Variants in GALNT9 observed in about 807,000 individuals in gnomAD.
GALNT9 encodes the protein GalNAc transferase 9.
Under a neutral mutation model 63.1 loss-of-function variants are expected in GALNT9, and 47 were observed. That is an observed-to-expected ratio of 0.75 (90% confidence interval 0.59 to 0.95). The LOEUF (loss-of-function observed/expected upper bound fraction) is 0.95. Ranked by LOEUF, GALNT9 falls within the 40% of genes least tolerant of loss-of-function variation. GALNT9 has a pLI of 0.00. For missense variants in GALNT9, 829 were observed against 874.8 expected, an observed-to-expected ratio of 0.95 and a Z score of 0.66; for synonymous variants, 396 against 365.7, an observed-to-expected ratio of 1.08 and a Z score of -0.94.
chr12:132,246,874 G>A lies in GALNT9; in HGVS notation c.1077+1036C>T, dbSNP rs1878722563. 6.6e-6 allele frequency among the ~76,000 whole-genome samples: 1 copy of A among 152,156 alleles called. No individual in the cohort carries two copies. Among genetic ancestry groups the A allele is most frequent in the Non-Finnish European group, 1.5e-5 (1 of 68,036 alleles). On this transcript the variant is annotated intron_variant, in intron 6 of 10. Transcript: ENST00000328957. The surrounding 1 kb of genome is among the most constrained non-coding windows in gnomAD (Gnocchi z 4.7). The stretch of plus-strand genomic sequence containing the variant: ...TGCCCAACCTGAGTTAAACAATCGC[G>A]GCCACGGGGAAGGAGGCCGTTTTAT...
Position 132,274,005 on chromosome 12 carries a change from C to T in GALNT9, c.420-11380G>A, listed in dbSNP as rs140150071. ...CTCGCTCCTGCTCCCACCAGCCCATCGCAGGTCAGAGAAAAGCCAGACGCC... is the reference window on the plus strand; with the variant it reads ...CTCGCTCCTGCTCCCACCAGCCCATTGCAGGTCAGAGAAAAGCCAGACGCC... On this transcript the variant is annotated intron_variant, in intron 2 of 10. Coordinates refer to ENST00000328957, the MANE Select transcript of GALNT9 (RefSeq NM_001122636.2). 4.7e-3 allele frequency: 718 copies of T among 152,824 alleles called. 2 individuals carry two copies. The highest frequency in any genetic ancestry group is 7.9e-3 in the Non-Finnish European group (540 of 68,404). The allele number at this position is 152,824 out of a possible 1,614,324, so 9.5% of individuals were successfully genotyped here.
chr12:132,217,999 ATTT>A (rs1565990571), intron 6 of GALNT9, among the ~76,000 whole-genome samples: 1 of 140,024 alleles, frequency 7.1e-6, no homozygotes, highest in Non-Finnish European at 1.5e-5. Context: ...CTACCCACTC[ATTT>A]GCCCACCTAG....
intron 6 of GALNT9, chr12:132,206,002 G>A (rs115277004): frequency 0.035 from 5,370 of 152,554 alleles, 257 homozygotes; most frequent in African/African-American, 0.11. Context: ...GTCCTCCATC[G>A]TCTGCCCACC....
chr12:132,258,026 C>A, intron 4 of GALNT9, 140 bp from the exon 5 acceptor site: 1 of 643,706 alleles, frequency 1.6e-6, no homozygotes, highest in Non-Finnish European at 2.7e-6. Context: ...GCTAGACCCA[C>A]ATCCTCCCTT....
chr12:132,277,009 A>G (rs1265294282), intron 2 of GALNT9, among the ~76,000 whole-genome samples: 14 of 152,116 alleles, frequency 9.2e-5, no homozygotes, highest in Non-Finnish European at 4.4e-5. Context: ...ACGCAGATAC[A>G]TGCGCATGTA....
intron 1 of GALNT9, among the ~76,000 whole-genome samples, chr12:132,328,724 G>A (rs533835749): frequency 3.3e-5 from 5 of 152,258 alleles, no homozygotes; most frequent in Non-Finnish European, 4.4e-5. Context: ...TTGCGTCATT[G>A]TGGGGGCAGG....
chr12:132,305,202 T>C (rs200814175), intron 1 of GALNT9, among the ~76,000 whole-genome samples: 56 of 7,130 alleles, frequency 7.9e-3, no homozygotes, highest in Admixed American at 9.1e-3. Flanking sequence ...GACACACCCT[T>C]GCCCGGGCAC....
rs1318073463 is a variant in GALNT9, at chr12:132,327,019, C to T, written c.238+1947G>A. Among the ~76,000 whole-genome samples the T allele has an allele frequency of 2.6e-5, 4 of 152,116 alleles. No homozygotes were observed. The highest frequency in any genetic ancestry group is 5.9e-5 in the Non-Finnish European group (4 of 68,016). On this transcript the variant is annotated intron_variant, in intron 1 of 10. Coordinates refer to ENST00000328957, the MANE Select transcript of GALNT9 (RefSeq NM_001122636.2). This position sits in a 1 kb window ranked among gnomAD's most constrained non-coding sequence, Gnocchi z 4.3. ...TCTTGGGTTTAGACACTGTGCCTGG[C>T]CTGCTGGTCACAGAGAGGAACGCAG...
At chr12:132,267,748 C>T (rs1255597123) in intron 2 of GALNT9, among the ~76,000 whole-genome samples, 3 of 143,780 alleles carry the variant, frequency 2.1e-5, no homozygotes, top group Non-Finnish European at 3.0e-5. Flanking sequence ...TACACAAGCA[C>T]ACACACTCAC....
chr12:132,261,730 C>T (rs1555239796), intron 3 of GALNT9, among the ~76,000 whole-genome samples: 1 of 152,270 alleles, frequency 6.6e-6, no homozygotes, highest in Non-Finnish European at 1.5e-5. Flanking sequence ...CAGGAAGGGG[C>T]TCCCCATGTT....
intron 5 of GALNT9, among the ~76,000 whole-genome samples, chr12:132,249,409 T>C (rs565476170): frequency 6.6e-6 from 1 of 152,328 alleles, no homozygotes; most frequent in Admixed American, 6.5e-5. Context: ...CAGTCAGAAA[T>C]AAATGCCCAT....
rs1481433944 is a variant in GALNT9 at position 132,327,059 on chromosome 12, A to G, written c.238+1907T>C. Among the ~76,000 whole-genome samples the G allele has an allele frequency of 6.6e-6, 1 of 152,198 alleles. No individual in the cohort carries two copies. The highest frequency in any genetic ancestry group is 2.4e-5 in the African/African-American group (1 of 41,456). ...GAGGAACGCAGCACAGCCTCATCACAGAGGGGGACGAAACTCGGCCTCATC... is the reference window on the plus strand; with the variant it reads ...GAGGAACGCAGCACAGCCTCATCACGGAGGGGGACGAAACTCGGCCTCATC... On this transcript the variant is annotated intron_variant, in intron 1 of 10. Transcript: ENST00000328957. The surrounding 1 kb of genome is among the most constrained non-coding windows in gnomAD (Gnocchi z 4.3).
rs1879196365 is a variant in GALNT9, at chr12:132,257,817, G to A, written c.831C>T (p.Ile277=). ...RRIVLPAIDN[I]KYSTFEVQQY... ...GCTGCACCTCAAACGTGCTGTACTT[G>A]ATGTTGTCGATGGCTGGCAGCACGA... The change falls in exon 5 of 11, where the codon ATC becomes ATT. Residue 277 remains isoleucine (I), a synonymous_variant. Transcript: ENST00000328957. The A allele has an allele frequency of 6.5e-7, 1 of 1,550,310 alleles. No individual in the cohort carries two copies. The highest frequency in any genetic ancestry group is 2.4e-5 in the East Asian group (1 of 40,908).
At chr12:132,203,768 G>A (rs1715411360) in intron 6 of GALNT9, 78 bp from the exon 7 acceptor site, 4 of 1,474,540 alleles carry the variant, frequency 2.7e-6, no homozygotes, top group Non-Finnish European at 3.7e-6. Flanking sequence ...GCCCGTGAGA[G>A]GCCAAGGGGC....
chr12:132,197,259 G>T lies in GALNT9; in HGVS notation c.1666-6C>A, dbSNP rs1237683551. 6.2e-7 allele frequency: 1 copy of T among 1,611,044 alleles called. No homozygotes were observed. Among genetic ancestry groups the T allele is most frequent in the Admixed American group, 1.7e-5 (1 of 60,016 alleles). On this transcript the variant is annotated splice_region_variant and splice_polypyrimidine_tract_variant and intron_variant, in intron 10 of 10. Transcript: ENST00000328957. ...CGGCTCACAATGGGGCCACTCTGTG[G>T]GGACAGGCACATCAAGTCAGCCAGG...
intron 6 of GALNT9, among the ~76,000 whole-genome samples, chr12:132,218,530 G>C (rs991190234): frequency 1.3e-5 from 2 of 152,242 alleles, no homozygotes; most frequent in Non-Finnish European, 2.9e-5. Flanking sequence ...TGCTTAGCGT[G>C]TCCCTGCCCC....
Position 132,258,745 on chromosome 12 carries a change from T to C in GALNT9, c.762-859A>G, listed in dbSNP as rs549810795. Among the ~76,000 whole-genome samples the C allele has an allele frequency of 3.3e-5, 5 of 152,298 alleles. No homozygotes were observed. In the East Asian group the frequency reaches 9.6e-4, roughly 29 times the overall value. ...GCCTCGATGGGCATCAGCTCAGTCT[T>C]CGATTCCCCGTCCCAAGCAGGGGTC... On this transcript the variant is annotated intron_variant, in intron 4 of 10. Transcript: ENST00000328957.
chr12:132,251,827 G>GCCTGGGGCACCCA (rs1878927866), intron 5 of GALNT9, among the ~76,000 whole-genome samples: 1 of 152,186 alleles, frequency 6.6e-6, no homozygotes, highest in Admixed American at 6.5e-5. Context: ...TGGCACATCA[G>GCCTGGGGCACCCA]CAGCCTCTGG....
At chr12:132,244,854 G>A (rs1013698511) in intron 6 of GALNT9, among the ~76,000 whole-genome samples, 3 of 151,184 alleles carry the variant, frequency 2.0e-5, no homozygotes, top group Admixed American at 6.6e-5. Flanking sequence ...GGACAGGTGA[G>A]TCTCCTGTCC....
Sources: gnomAD v4.1 joint callset for allele counts (sites outside exome capture counted in the v4.1 genomes callset) on GRCh38, gnomAD v4.1.1 for gene constraint, Gnocchi (gnomAD v3.1) non-coding constraint, MANE v1.5 for transcripts, NCBI Gene and HGNC (gene_info 2026-07-23, HGNC 2026-07-21) for gene names.